The following PPP2R5C variants were observed in gnomAD, a reference collection of about 807,000 sequenced individuals.
PPP2R5C encodes the protein protein phosphatase 2 regulatory subunit B'gamma.
In PPP2R5C, 7 loss-of-function variants were observed where a neutral mutation model predicts 68.9. The ratio of observed to expected loss-of-function variants is 0.10; its 90% CI spans 0.06 to 0.19. The LOEUF is 0.19. Ranked by LOEUF, PPP2R5C falls within the 10% of genes least tolerant of loss-of-function variation. The pLI, the probability that PPP2R5C is intolerant of heterozygous loss-of-function variation, is 1.00. For missense variants in PPP2R5C, 348 were observed against 641.3 expected, an observed-to-expected ratio of 0.54 and a Z score of 4.94; for synonymous variants, 210 against 222.2, an observed-to-expected ratio of 0.95 and a Z score of 0.49.
intron 9 of PPP2R5C, 132 bp downstream of exon 11, chr14:101,902,021 A>T: frequency 1.1e-6 from 1 of 919,998 alleles, no homozygotes. Context: ...TACTTGAATT[A>T]TACTTCAAAT....
At chr14:101,925,354 A>G in exon 14 of PPP2R5C, 1 of 1,549,928 alleles carries the variant, frequency 6.5e-7, no homozygotes, top group Non-Finnish European at 8.7e-7. Flanking sequence ...GTGCCATACC[A>G]ATCAGTTACA....
chr14:101,762,947 G>A (rs773962532), exon 2 of PPP2R5C: 3 of 1,581,328 alleles, frequency 1.9e-6, no homozygotes, highest in East Asian at 2.3e-5. Flanking sequence ...TTCAAAAGAA[G>A]GACAAGACAC....
intron 1 of PPP2R5C, among the ~76,000 whole-genome samples, chr14:101,830,298 G>A (rs979674592): frequency 2.0e-5 from 3 of 152,208 alleles, no homozygotes; most frequent in African/African-American, 2.4e-5. Flanking sequence ...ATTATCACAA[G>A]TAGAACTTGG....
exon 14 of PPP2R5C, chr14:101,927,771 T>C (rs1373057922): frequency 6.6e-6 from 1 of 152,634 alleles, no homozygotes; most frequent in Non-Finnish European, 1.5e-5. Flanking sequence ...TATTTTTCTT[T>C]AGAAAATATC....
At chr14:101,771,382 G>A (rs2139973102) in intron 2 of PPP2R5C, among the ~76,000 whole-genome samples, 1 of 151,848 alleles carries the variant, frequency 6.6e-6, no homozygotes, top group East Asian at 2.0e-4. Flanking sequence ...AGCCTCCCAA[G>A]TAGCTGGGAT....
At chr14:101,796,911 AT>A in intron 3 of PPP2R5C, 2 of 301,120 alleles carry the variant, frequency 6.6e-6, no homozygotes, top group Non-Finnish European at 1.3e-5. Flanking sequence ...AAAAAAAAAA[AT>A]TTAAAAACTG....
At chr14:101,767,447 G>A (rs2036915913) in intron 2 of PPP2R5C, among the ~76,000 whole-genome samples, 1 of 152,154 alleles carries the variant, frequency 6.6e-6, no homozygotes, top group African/African-American at 2.4e-5. Flanking sequence ...GGAGGACAAG[G>A]ACAGTCATTT....
intron 1 of PPP2R5C, among the ~76,000 whole-genome samples, chr14:101,813,678 G>A (rs2039498138): frequency 6.6e-6 from 1 of 152,224 alleles, no homozygotes; most frequent in Non-Finnish European, 1.5e-5. Context: ...GCCTTTTCCA[G>A]CTGGCCCTTA....
intron 2 of PPP2R5C, among the ~76,000 whole-genome samples, chr14:101,780,512 A>G (rs2037623002): frequency 6.6e-6 from 1 of 152,182 alleles, no homozygotes; most frequent in Admixed American, 6.5e-5. Context: ...AACAGGGCCC[A>G]CAGCAGAGGC....
intron 13 of PPP2R5C, among the ~76,000 whole-genome samples, chr14:101,924,034 GAAACTTTATCCAGAAAAGTTTCT>G (rs1334488615): frequency 6.6e-6 from 1 of 152,240 alleles, no homozygotes; most frequent in African/African-American, 2.4e-5. Flanking sequence ...TTTTGGTGAA[GAAACTTTATCCAGAAAAGTTTCT>G]AACTAATTGG....
intron 2 of PPP2R5C, among the ~76,000 whole-genome samples, chr14:101,871,228 T>TGGTTTTTGTTGTTGTTGTTG (rs563568983): frequency 2.8e-4 from 33 of 117,648 alleles, no homozygotes; most frequent in African/African-American, 1.1e-3. Flanking sequence ...TGTTTTGGTT[T>TGGTTTTTGTTGTTGTTGTTG]TTGTTGTTGT....
chr14:101,869,771 C>T (rs1034419736), intron 2 of PPP2R5C, among the ~76,000 whole-genome samples: 4 of 152,134 alleles, frequency 2.6e-5, no homozygotes, highest in African/African-American at 9.7e-5. Flanking sequence ...CCTCTCACCT[C>T]AGCCTCCTGA....
At chr14:101,880,297 T>C (rs980704811) in intron 2 of PPP2R5C, among the ~76,000 whole-genome samples, 1 of 152,254 alleles carries the variant, frequency 6.6e-6, no homozygotes, top group African/African-American at 2.4e-5. Context: ...TTCCTGGCTT[T>C]TCAGCCCCTT....
chr14:101,778,075 A>G lies in PPP2R5C; in HGVS notation c.94-7943A>G, dbSNP rs368954876. On this transcript the variant is annotated intron_variant, in intron 2 of 14. Transcript: ENST00000328724. ...ATGAGCCATGGTGCCTGGCCATGCTAACAAGTTATTTTTCAGTTTGAAAAA... is the reference window on the plus strand; with the variant it reads ...ATGAGCCATGGTGCCTGGCCATGCTGACAAGTTATTTTTCAGTTTGAAAAA... Among the ~76,000 whole-genome samples the G allele has an allele frequency of 2.0e-5, 3 of 152,176 alleles. No individual in the cohort carries two copies. In the East Asian group the frequency reaches 5.8e-4, roughly 29 times the overall value.
chr14:101,763,461 C>T lies in PPP2R5C; in HGVS notation c.93+491C>T, dbSNP rs533335041. On this transcript the variant is annotated intron_variant, in intron 2 of 14. Coordinates refer to the PPP2R5C transcript ENST00000328724. ...GCAGTGGCGCGATCTTGGCTCACTGCAACCTCTGCCTCCCGAGTTCAAGCA... is the reference window on the plus strand; with the variant it reads ...GCAGTGGCGCGATCTTGGCTCACTGTAACCTCTGCCTCCCGAGTTCAAGCA... Among the ~76,000 whole-genome samples the T allele has an allele frequency of 2.0e-5, 3 of 152,124 alleles. No individual in the cohort carries two copies. In the East Asian group the frequency reaches 5.8e-4, roughly 29 times the overall value.
chr14:101,894,692 T>A, intron 8 of PPP2R5C, 132 bp downstream of exon 10: 1 of 767,866 alleles, frequency 1.3e-6, no homozygotes, highest in East Asian at 2.7e-5. Context: ...ATAAACAGGC[T>A]CATTTCATTC....
intron 3 of PPP2R5C, among the ~76,000 whole-genome samples, chr14:101,803,917 A>G (rs1309122007): frequency 6.6e-6 from 1 of 152,156 alleles, no homozygotes; most frequent in Non-Finnish European, 1.5e-5. Flanking sequence ...AAAGGATACA[A>G]TCAATAAAGT....
At chr14:101,851,949 T>G (rs2042178789) in intron 1 of PPP2R5C, among the ~76,000 whole-genome samples, 1 of 152,174 alleles carries the variant, frequency 6.6e-6, no homozygotes, top group African/African-American at 2.4e-5. Context: ...CTCACTCCCT[T>G]CTGTAATTGA....
exon 14 of PPP2R5C, chr14:101,925,868 A>G (rs1220405670): frequency 6.6e-6 from 1 of 152,644 alleles, no homozygotes; most frequent in Non-Finnish European, 1.5e-5. Flanking sequence ...GATGAGTGAC[A>G]TGAACACCGT....
Sources: allele counts gnomAD v4.1 joint callset (sites outside exome capture counted in the v4.1 genomes callset), GRCh38; gene constraint gnomAD v4.1.1; transcripts MANE v1.5; gene names NCBI Gene and HGNC (gene_info 2026-07-23, HGNC 2026-07-21).